KCNK2: variants seen among roughly 807,000 people sequenced by gnomAD.
KCNK2 encodes potassium channel subfamily K member 2.
A neutral mutation model predicts 40.5 loss-of-function variants in KCNK2; 21 were observed. That is an observed-to-expected ratio of 0.52 (90% CI 0.37 to 0.75). KCNK2 has a LOEUF of 0.75. Ranked by LOEUF, KCNK2 falls within the 30% of genes least tolerant of loss-of-function variation. KCNK2 has a pLI of 0.00. For missense variants in KCNK2, 399 were observed against 531.6 expected (o/e 0.75, Z 2.45); for synonymous variants, 191 against 202.2 (o/e 0.94, Z 0.47).
chr1:215,205,781 T>G lies in KCNK2; in HGVS notation c.963+10689T>G, dbSNP rs570649483. On this transcript the variant is annotated intron_variant, in intron 6 of 6. Transcript: ENST00000444842. ...TATAACCTTTGCTATCCTGATTAATTTGGTAACACACCAATCATTGTTTGT... is the reference window on the plus strand; with the variant it reads ...TATAACCTTTGCTATCCTGATTAATGTGGTAACACACCAATCATTGTTTGT... Among the ~76,000 whole-genome samples, 4 of 152,302 alleles carry G rather than the reference T, an allele frequency of 2.6e-5. No homozygotes were observed. The South Asian group carries it at 8.3e-4, about 32-fold the overall frequency.
At chr1:215,034,856 C>T (rs1657331222) in intron 1 of KCNK2, among the ~76,000 whole-genome samples, 1 of 152,068 alleles carries the variant, frequency 6.6e-6, no homozygotes, top group Non-Finnish European at 1.5e-5. Context: ...GTTTCTGTAT[C>T]TACTTATCCG....
intron 6 of KCNK2, among the ~76,000 whole-genome samples, chr1:215,198,745 T>C (rs1013778640): frequency 6.6e-6 from 1 of 152,134 alleles, no homozygotes; most frequent in Non-Finnish European, 1.5e-5. Flanking sequence ...TTTTGATGAA[T>C]AAAAACACTA....
chr1:215,109,848 C>T (rs934496813), intron 2 of KCNK2, among the ~76,000 whole-genome samples: 17 of 151,968 alleles, frequency 1.1e-4, no homozygotes, highest in African/African-American at 3.1e-4. Flanking sequence ...GCAGTGTATA[C>T]GAGTTCCCTT....
intron 2 of KCNK2, among the ~76,000 whole-genome samples, chr1:215,116,319 G>A (rs758124058): frequency 1.3e-5 from 2 of 151,956 alleles, no homozygotes; most frequent in South Asian, 2.1e-4. Context: ...TTTAGGAACC[G>A]TGACTGATTT....
chr1:215,068,542 A>G (rs1307606067), intron 1 of KCNK2, among the ~76,000 whole-genome samples: 1 of 152,248 alleles, frequency 6.6e-6, no homozygotes, highest in African/African-American at 2.4e-5. Context: ...CAAAAAACTT[A>G]GCATTCCATT....
At chr1:215,133,140 A>T (rs1486309036) in intron 3 of KCNK2, among the ~76,000 whole-genome samples, 1 of 152,236 alleles carries the variant, frequency 6.6e-6, no homozygotes, top group Non-Finnish European at 1.5e-5. Flanking sequence ...TAGCAGCATC[A>T]TAGTTGCCCA....
chr1:215,039,736 CTG>C (rs772595559), intron 1 of KCNK2, among the ~76,000 whole-genome samples: 49 of 152,074 alleles, frequency 3.2e-4, no homozygotes, highest in South Asian at 2.1e-4. Context: ...TCAATTCAGA[CTG>C]TGGATAGTTC....
intron 3 of KCNK2, among the ~76,000 whole-genome samples, chr1:215,143,364 C>T (rs988716592): frequency 6.6e-6 from 1 of 152,034 alleles, no homozygotes; most frequent in African/African-American, 2.4e-5. Flanking sequence ...TTGCCCTTAA[C>T]ATTGTAGGCC....
chr1:215,041,253 C>T (rs1657551742), intron 1 of KCNK2, among the ~76,000 whole-genome samples: 1 of 152,156 alleles, frequency 6.6e-6, no homozygotes, highest in South Asian at 2.1e-4. Context: ...CACTAAGCCT[C>T]AGTTTTCCTG....
chr1:215,055,894 G>A (rs935603458), intron 1 of KCNK2, among the ~76,000 whole-genome samples: 4 of 152,194 alleles, frequency 2.6e-5, no homozygotes, highest in African/African-American at 9.7e-5. Flanking sequence ...GAAAACTCCT[G>A]GAGATTTCTC....
Position 215,234,844 on chromosome 1 carries a change from C to A in KCNK2, c.980C>A (p.Ala327Glu), listed in dbSNP as rs772248987. Reference protein sequence around the residue: ...KTKEEVGEFRAHAAEWTANVT... With the variant: ...KTKEEVGEFREHAAEWTANVT... Reference sequence around the variant, plus strand: ...ATGTTCCAGGTGGGAGAGTTCAGAGCACACGCTGCTGAGTGGACAGCCAAC... The same window carrying A: ...ATGTTCCAGGTGGGAGAGTTCAGAGAACACGCTGCTGAGTGGACAGCCAAC... The change falls in exon 7 of 7, where the codon GCA becomes GAA. Residue 327 changes from alanine (A) to glutamate (E), a missense_variant. Physicochemically the swap from Ala to Glu is moderately radical, Grantham distance 107. Around this residue, in one of 3 missense-constraint regions of KCNK2, gnomAD observed 103 missense variants for 124.3 expected, o/e 0.83. Transcript: ENST00000444842. 84 of 1,612,690 alleles carry A rather than the reference C, an allele frequency of 5.2e-5. No individual in the cohort carries two copies.
intron 1 of KCNK2, among the ~76,000 whole-genome samples, chr1:215,037,401 CT>C (rs1657425553): frequency 1.3e-5 from 2 of 151,858 alleles, no homozygotes; most frequent in African/African-American, 4.8e-5. Flanking sequence ...GATGAATTGA[CT>C]TTATTATATA....
At chr1:215,075,817 A>C (rs1293359708) in intron 1 of KCNK2, among the ~76,000 whole-genome samples, 1 of 152,222 alleles carries the variant, frequency 6.6e-6, no homozygotes, top group Non-Finnish European at 1.5e-5. Flanking sequence ...CTCACCACCA[A>C]GCTATCAGGG....
chr1:215,170,891 A>C (rs887545045), intron 4 of KCNK2, among the ~76,000 whole-genome samples: 3 of 152,132 alleles, frequency 2.0e-5, no homozygotes, highest in African/African-American at 7.2e-5. Context: ...GCATAAAAAA[A>C]GTTCCATGCC....
intron 3 of KCNK2, among the ~76,000 whole-genome samples, chr1:215,157,765 C>T (rs530968708): frequency 5.9e-5 from 9 of 152,246 alleles, no homozygotes; most frequent in South Asian, 2.1e-4. Context: ...TCTACTCTAC[C>T]GCTTATAGTC....
intron 6 of KCNK2, among the ~76,000 whole-genome samples, chr1:215,201,057 C>T (rs981197871): frequency 4.9e-4 from 74 of 152,068 alleles, no homozygotes; most frequent in Middle Eastern, 3.2e-3. Flanking sequence ...AATGAAGATT[C>T]GTAAAGTTAG....
At chr1:215,230,427 C>A (rs1414152393) in intron 6 of KCNK2, among the ~76,000 whole-genome samples, 3 of 143,016 alleles carry the variant, frequency 2.1e-5, no homozygotes, top group African/African-American at 7.9e-5. Context: ...TGGATCACTG[C>A]TGTATATGCA....
rs1016023354 is a variant in KCNK2, at chr1:215,225,170, G to A, written c.964-9658G>A. On this transcript the variant is annotated intron_variant, in intron 6 of 6. Transcript: ENST00000444842. ...TAAAATCCATAGTTTCCATTTTTAT[G>A]TACTTTGTATATCATGATATGCATC... is the stretch of plus-strand genomic sequence containing the variant. 1.5e-4 allele frequency among the ~76,000 whole-genome samples: 23 copies of A among 152,120 alleles called. 1 individual carries two copies.
At chr1:215,126,456 C>G (rs979483125) in intron 3 of KCNK2, among the ~76,000 whole-genome samples, 1 of 152,054 alleles carries the variant, frequency 6.6e-6, no homozygotes, top group Admixed American at 6.6e-5. Context: ...ATGGAAATAA[C>G]TATTTATTGT....
Sources: gnomAD v4.1 joint callset for allele counts (sites outside exome capture counted in the v4.1 genomes callset) on GRCh38, gnomAD v4.1.1 for gene constraint, gnomAD v4.1.1 regional missense constraint, MANE v1.5 for transcripts, NCBI Gene and HGNC (gene_info 2026-07-23, HGNC 2026-07-21) for gene names.